The following ACADM variants were observed in gnomAD, a reference collection of about 807,000 sequenced individuals.
ACADM encodes medium-chain specific acyl-CoA dehydrogenase, mitochondrial.
ACADM carries 49 observed loss-of-function variants against 58.9 expected under a neutral mutation model. The observed-to-expected ratio is 0.83, with a 90% confidence interval of 0.66 to 1.06. ACADM has a LOEUF of 1.06. Ranked by LOEUF, ACADM falls within the 50% of genes least tolerant of loss-of-function variation. ACADM has a pLI of 0.00. For missense variants in ACADM, 496 were observed against 507.0 expected (o/e 0.98, Z 0.21); for synonymous variants, 160 against 157.7 (o/e 1.01, Z -0.11).
chr1:75,725,291 G>C (rs1647034821), intron 1 of ACADM, among the ~76,000 whole-genome samples: 1 of 151,952 alleles, frequency 6.6e-6, no homozygotes, highest in Non-Finnish European at 1.5e-5. Flanking sequence ...GAACTTGTGT[G>C]TATATTCTAG....
intron 11 of ACADM, 181 bp downstream of exon 11, chr1:75,761,551 A>T: frequency 2.9e-6 from 2 of 687,960 alleles, no homozygotes; most frequent in East Asian, 2.7e-5. Context: ...GTGATTAAGT[A>T]TAAGTCTGAA....
chr1:75,730,423 T>C (rs1647129241), intron 2 of ACADM, among the ~76,000 whole-genome samples: 1 of 152,164 alleles, frequency 6.6e-6, no homozygotes, highest in Admixed American at 6.5e-5. Context: ...AAATAATATC[T>C]ATAACACAGA....
chr1:75,726,873 A>G (rs1048964526), intron 1 of ACADM, among the ~76,000 whole-genome samples: 1 of 138,808 alleles, frequency 7.2e-6, no homozygotes. Context: ...GGTGCAGTCT[A>G]GGCTCACTGC....
chr1:75,743,633 C>A, intron 7 of ACADM: 1 of 1,540,356 alleles, frequency 6.5e-7, no homozygotes, highest in South Asian at 1.1e-5. Flanking sequence ...AATGGGTGTT[C>A]AAAGAGTGAG....
At chr1:75,757,794 A>G (rs1476448727) in intron 10 of ACADM, among the ~76,000 whole-genome samples, 2 of 152,204 alleles carry the variant, frequency 1.3e-5, no homozygotes, top group African/African-American at 4.8e-5. Flanking sequence ...ACCAAGCAAC[A>G]GACACTAGCT....
intron 10 of ACADM, among the ~76,000 whole-genome samples, chr1:75,753,792 C>CTTGTTTTTTTTT (rs1648334155): frequency 1.3e-5 from 1 of 75,426 alleles, no homozygotes; most frequent in Non-Finnish European, 2.5e-5. Context: ...ATGCTGATAG[C>CTTGTTTTTTTTT]TTCTTTTTTT....
Position 75,747,763 on chromosome 1 carries a change from C to A in ACADM, c.709-1656C>A, listed in dbSNP as rs564907773. Among the ~76,000 whole-genome samples, 9 of 152,262 alleles carry A rather than the reference C, an allele frequency of 5.9e-5. No individual in the cohort carries two copies. The South Asian group carries it at 1.7e-3, about 28-fold the overall frequency. On this transcript the variant is annotated intron_variant, in intron 8 of 11. Transcript: ENST00000370841. ...GCTCCTGTTGCTGTCTGTACTGCAG[C>A]CTGGATGACAGAGTGAGACCTAATG...
At chr1:75,741,465 T>G (rs1647563199) in intron 7 of ACADM, among the ~76,000 whole-genome samples, 3 of 152,200 alleles carry the variant, frequency 2.0e-5, no homozygotes, top group Non-Finnish European at 4.4e-5. Context: ...GTTTTCGTAA[T>G]TTTAAAAACG....
At position 75,732,653 on chromosome 1, in the gene ACADM, A is replaced by G. The variant is rs764413858; in HGVS notation, c.128A>G (p.Glu43Gly). Residue 43 changes from glutamate to glycine, a missense_variant, in exon 3 of 12, where the codon GAA (glutamate) becomes GGA (glycine). Glu to Gly is a moderately conservative substitution (Grantham distance 98). Coordinates refer to ENST00000370841, the MANE Select transcript of ACADM (RefSeq NM_000016.6). ...PGLGFSFEFT[E>G]QQKEFQATAR... ...AATAATTTTCCCTTAGAGTTCACCG[A>G]ACAGCAGAAAGAATTTCAAGCTACT... 1 of 1,613,900 alleles carries G rather than the reference A, an allele frequency of 6.2e-7. No homozygotes were observed. Among genetic ancestry groups the G allele is most frequent in the Admixed American group, 1.7e-5 (1 of 60,032 alleles).
At chr1:75,732,580 C>G (rs888719915) in intron 2 of ACADM, 64 bp from the exon 3 acceptor site, 19 of 1,253,760 alleles carry the variant, frequency 1.5e-5, no homozygotes, top group Admixed American at 1.2e-4. Flanking sequence ...TTTCTACATA[C>G]TGACTTCATA....
At chr1:75,741,107 A>T (rs1174208115) in intron 7 of ACADM, among the ~76,000 whole-genome samples, 4 of 152,232 alleles carry the variant, frequency 2.6e-5, no homozygotes, top group Non-Finnish European at 1.5e-5. Flanking sequence ...GTATTTACCC[A>T]TCACTACAAG....
intron 4 of ACADM, 132 bp from the exon 5 acceptor site, chr1:75,733,396 T>G (rs1406569299): frequency 4.9e-6 from 5 of 1,016,428 alleles, no homozygotes; most frequent in Non-Finnish European, 7.4e-6. Context: ...CCAGAACACA[T>G]GTAGATATTA....
intron 10 of ACADM, among the ~76,000 whole-genome samples, chr1:75,757,862 A>G (rs1438120700): frequency 6.6e-6 from 1 of 152,188 alleles, no homozygotes; most frequent in Non-Finnish European, 1.5e-5. Flanking sequence ...CAGATCCCAC[A>G]GGCTTAGTCT....
At chr1:75,743,280 T>C in intron 7 of ACADM, 1 of 888,830 alleles carries the variant, frequency 1.1e-6, no homozygotes, top group Non-Finnish European at 1.7e-6. Context: ...TGACTGCTGG[T>C]TACATAGTGC....
intron 8 of ACADM, among the ~76,000 whole-genome samples, chr1:75,746,303 A>AT (rs1279940086): frequency 6.6e-6 from 1 of 152,218 alleles, no homozygotes; most frequent in Non-Finnish European, 1.5e-5. Flanking sequence ...CATTTTACAG[A>AT]TAAAAACAAT....
At chr1:75,726,659 C>T (rs1443594699) in intron 1 of ACADM, among the ~76,000 whole-genome samples, 1 of 152,150 alleles carries the variant, frequency 6.6e-6, no homozygotes, top group Non-Finnish European at 1.5e-5. Context: ...CGTTTCTTCA[C>T]ATGCGAAAGT....
chr1:75,739,764 C>T (rs1352450925), intron 6 of ACADM, among the ~76,000 whole-genome samples: 1 of 152,176 alleles, frequency 6.6e-6, no homozygotes, highest in Non-Finnish European at 1.5e-5. Context: ...CCTCTGCATT[C>T]CAGCCTGGGC....
At chr1:75,734,049 G>T (rs552690448) in intron 5 of ACADM, among the ~76,000 whole-genome samples, 1 of 152,124 alleles carries the variant, frequency 6.6e-6, no homozygotes, top group African/African-American at 2.4e-5. Context: ...GTAGTAGCGC[G>T]ATCTTGGCTC....
rs368868359 is a variant in ACADM at position 75,744,357 on chromosome 1, A to G, written c.600-1449A>G. On this transcript the variant is annotated intron_variant, in intron 7 of 11. Transcript: ENST00000370841. ...CAGCACCAGTTTTCCTGAGTGTGAA[A>G]AGCGGAGTGCCTCCTTCGACTTTTC... 1.2e-3 allele frequency: 1,986 copies of G among 1,592,844 alleles called. 23 individuals carry two copies. The South Asian group carries it at 0.014, about 12-fold the overall frequency.
Sources: gnomAD v4.1 joint callset for allele counts (sites outside exome capture counted in the v4.1 genomes callset) on GRCh38, gnomAD v4.1.1 for gene constraint, MANE v1.5 for transcripts, NCBI Gene and HGNC (gene_info 2026-07-23, HGNC 2026-07-21) for gene names.